Variants in CDH17 observed in about 807,000 individuals in gnomAD.
The protein encoded by CDH17 is cadherin-17.
In CDH17, 67 loss-of-function variants were observed where a neutral mutation model predicts 86.3. That is an observed-to-expected ratio of 0.78 (90% CI 0.64 to 0.95). The LOEUF (loss-of-function observed/expected upper bound fraction) is 0.95. Among genes scored for constraint, CDH17 ranks in the 40% least tolerant of loss-of-function variants. The pLI is 0.00. For synonymous variants in CDH17, 367 were observed against 366.4 expected (o/e 1.00, Z -0.02); for missense variants, 993 against 1,017.6 (o/e 0.98, Z 0.33).
intron 12 of CDH17, among the ~76,000 whole-genome samples, chr8:94,154,743 T>G (rs1812915320): frequency 6.6e-6 from 1 of 152,134 alleles, no homozygotes; most frequent in African/African-American, 2.4e-5. Context: ...CTAATAGATC[T>G]AAGTGTTGAT....
chr8:94,173,697 T>C, intron 7 of CDH17, 100 bp downstream of exon 7: 1 of 863,392 alleles, frequency 1.2e-6, no homozygotes, highest in African/African-American at 1.7e-5. Flanking sequence ...ATGAAAAAGG[T>C]ATCTAATAAG....
At chr8:94,185,915 G>C (rs977565056) in intron 3 of CDH17, among the ~76,000 whole-genome samples, 3 of 152,108 alleles carry the variant, frequency 2.0e-5, no homozygotes, top group Non-Finnish European at 4.4e-5. Context: ...CTAAAGACAA[G>C]TATGAGAAAG....
intron 12 of CDH17, among the ~76,000 whole-genome samples, chr8:94,158,556 C>T (rs1812988550): frequency 6.6e-6 from 1 of 152,212 alleles, no homozygotes; most frequent in African/African-American, 2.4e-5. Flanking sequence ...CCCCCGTCAC[C>T]TGCAAAGGAA....
intron 4 of CDH17, among the ~76,000 whole-genome samples, chr8:94,177,376 G>A (rs1034537174): frequency 3.9e-5 from 6 of 152,174 alleles, no homozygotes; most frequent in African/African-American, 7.2e-5. Flanking sequence ...GTGGGGTTAC[G>A]TTGGTTAAAA....
chr8:94,165,397 C>T (rs1232069693), intron 10 of CDH17, among the ~76,000 whole-genome samples: 1 of 152,178 alleles, frequency 6.6e-6, no homozygotes, highest in Admixed American at 6.5e-5. Flanking sequence ...CCTTCTCCAT[C>T]TCCCCTTCAC....
intron 15 of CDH17, among the ~76,000 whole-genome samples, chr8:94,132,248 A>C (rs1322380882): frequency 6.6e-6 from 1 of 152,128 alleles, no homozygotes; most frequent in East Asian, 1.9e-4. Flanking sequence ...TTGAGGAATC[A>C]CCACACTGTC....
intron 3 of CDH17, 29 bp from the exon 4 acceptor site, chr8:94,177,750 T>G: frequency 6.2e-7 from 1 of 1,608,882 alleles, no homozygotes; most frequent in Non-Finnish European, 8.5e-7. Flanking sequence ...ACAGATTAAG[T>G]TGTAAGGGAA....
Position 94,194,624 on chromosome 8 carries a change from T to C in CDH17, c.51+11A>G. On this transcript the variant is annotated intron_variant, in intron 2 of 17. Transcript: ENST00000027335. Reference sequence around the variant, plus strand: ...AGTAAACAAATAGAGAAGAACACCCTCTTCTCTTACCAAATAAAGCATAAG... The same window carrying C: ...AGTAAACAAATAGAGAAGAACACCCCCTTCTCTTACCAAATAAAGCATAAG... 6.3e-7 allele frequency: 1 copy of C among 1,576,638 alleles called. No individual in the cohort carries two copies. The highest frequency in any genetic ancestry group is 8.7e-7 in the Non-Finnish European group (1 of 1,147,680).
At chr8:94,136,580 T>A (rs1812532161) in intron 15 of CDH17, among the ~76,000 whole-genome samples, 1 of 152,196 alleles carries the variant, frequency 6.6e-6, no homozygotes, top group Non-Finnish European at 1.5e-5. Context: ...TGCGTTGGGT[T>A]CAAATGTGCT....
At chr8:94,182,493 C>T (rs989378718) in intron 3 of CDH17, among the ~76,000 whole-genome samples, 3 of 152,064 alleles carry the variant, frequency 2.0e-5, no homozygotes, top group African/African-American at 7.2e-5. Context: ...GGTAGTATCC[C>T]ATATTGATAG....
chr8:94,191,053 C>G (rs1199088599), intron 2 of CDH17, among the ~76,000 whole-genome samples: 1 of 152,138 alleles, frequency 6.6e-6, no homozygotes, highest in African/African-American at 2.4e-5. Flanking sequence ...TTCCCTTTCC[C>G]AGGCTCACTT....
Position 94,151,871 on chromosome 8 carries a change from A to C in CDH17, c.1793T>G (p.Ile598Arg). 3 of 1,614,130 alleles carry C rather than the reference A, an allele frequency of 1.9e-6. No individual in the cohort carries two copies. Among genetic ancestry groups the C allele is most frequent in the Non-Finnish European group, 2.5e-6 (3 of 1,180,018 alleles). ...VTAKDPEGLD[I>R]SYSLRGDTRG... ...GCCCAGCACTGTTGCCCTTTACCTT[A>C]TGTCCAGACCTTCTGGATCCTTGGC... The change falls in exon 13 of 18, where the codon ATA (isoleucine) becomes AGA (arginine). Residue 598 changes from isoleucine to arginine, a missense_variant. By Grantham distance (97) the Ile-to-Arg change is moderately conservative (BLOSUM62 -3). Coordinates refer to ENST00000027335, the MANE Select transcript of CDH17 (RefSeq NM_004063.4).
chr8:94,133,141 GC>G (rs2130568413), intron 15 of CDH17, among the ~76,000 whole-genome samples: 1 of 152,248 alleles, frequency 6.6e-6, no homozygotes, highest in African/African-American at 2.4e-5. Context: ...GATTGTCTTG[GC>G]AATGCGGGCT....
chr8:94,148,153 A>G (rs1350752054), intron 14 of CDH17, among the ~76,000 whole-genome samples: 2 of 152,196 alleles, frequency 1.3e-5, no homozygotes, highest in East Asian at 1.9e-4. Context: ...TCAGCCAGGG[A>G]CACAGAACTC....
intron 11 of CDH17, among the ~76,000 whole-genome samples, 181 bp downstream of exon 11, chr8:94,161,905 T>C (rs1813060333): frequency 6.6e-6 from 1 of 152,192 alleles, no homozygotes; most frequent in African/African-American, 2.4e-5. Context: ...CCTGTAATAG[T>C]AAATGTTATT....
intron 3 of CDH17, among the ~76,000 whole-genome samples, chr8:94,180,811 C>T (rs908185572): frequency 5.3e-5 from 8 of 152,002 alleles, no homozygotes; most frequent in African/African-American, 1.7e-4. Context: ...AGGAGAATAG[C>T]GTGAACCCAG....
intron 15 of CDH17, among the ~76,000 whole-genome samples, chr8:94,144,235 C>T (rs1001127434): frequency 3.3e-5 from 5 of 152,094 alleles, no homozygotes; most frequent in African/African-American, 9.7e-5. Context: ...TCAGAACGTA[C>T]GTCGACGTCG....
At chr8:94,151,603 A>G (rs1812856987) in intron 13 of CDH17, among the ~76,000 whole-genome samples, 2 of 152,206 alleles carry the variant, frequency 1.3e-5, no homozygotes, top group South Asian at 4.1e-4. Flanking sequence ...TGAACCATCC[A>G]GCTCTCAGCT....
At chr8:94,174,316 A>C in intron 5 of CDH17, 56 bp from the exon 6 acceptor site, 1 of 1,506,304 alleles carries the variant, frequency 6.6e-7, no homozygotes, top group Non-Finnish European at 8.9e-7. Flanking sequence ...TTGAAACCCA[A>C]ACCAACCATA....
Sources: allele counts gnomAD v4.1 joint callset (sites outside exome capture counted in the v4.1 genomes callset), GRCh38; gene constraint gnomAD v4.1.1; transcripts MANE v1.5; gene names NCBI Gene and HGNC (gene_info 2026-07-23, HGNC 2026-07-21).